HOMER2: variants seen among roughly 807,000 people sequenced by gnomAD.
The protein encoded by HOMER2 is homer protein homolog 2.
A neutral mutation model predicts 47.0 loss-of-function variants in HOMER2; 27 were observed. The observed-to-expected ratio is 0.57, with a 90% CI of 0.42 to 0.79. The LOEUF is 0.79. Among genes scored for constraint, HOMER2 ranks in the 30% least tolerant of loss-of-function variants. The pLI is 0.00. For synonymous variants in HOMER2, 161 were observed against 163.8 expected, an observed-to-expected ratio of 0.98 and a Z score of 0.13; for missense variants, 443 against 435.0, an observed-to-expected ratio of 1.02 and a Z score of -0.16.
intron 1 of HOMER2, among the ~76,000 whole-genome samples, chr15:82,902,429 C>A (rs528178784): frequency 1.5e-4 from 23 of 152,086 alleles, no homozygotes; most frequent in Non-Finnish European, 2.2e-4. Flanking sequence ...AACTCCTGAC[C>A]TTGTGATCCG....
At chr15:82,961,813 G>C (rs2054632711) in intron 1 of HOMER2, among the ~76,000 whole-genome samples, 2 of 152,076 alleles carry the variant, frequency 1.3e-5, no homozygotes. Context: ...GCCCAGCCTG[G>C]AGTGCAGAGG....
At chr15:82,911,229 T>C (rs537237579) in intron 1 of HOMER2, among the ~76,000 whole-genome samples, 2 of 152,346 alleles carry the variant, frequency 1.3e-5, no homozygotes, top group South Asian at 4.1e-4. Context: ...ACTGTGCTTT[T>C]ATAACTTAAG....
intron 5 of HOMER2, among the ~76,000 whole-genome samples, chr15:82,858,116 T>C (rs1443481285): frequency 6.6e-6 from 1 of 152,226 alleles, no homozygotes; most frequent in Non-Finnish European, 1.5e-5. Context: ...ATAGATCTTG[T>C]ATATTTAAGT....
At chr15:82,869,424 C>T (rs1292409054) in intron 3 of HOMER2, among the ~76,000 whole-genome samples, 2 of 140,024 alleles carry the variant, frequency 1.4e-5, no homozygotes, top group Admixed American at 7.2e-5. Flanking sequence ...TACTTCCATG[C>T]AATTATATGA....
chr15:82,900,339 T>G (rs759159876), intron 1 of HOMER2, among the ~76,000 whole-genome samples: 1 of 152,028 alleles, frequency 6.6e-6, no homozygotes, highest in African/African-American at 2.4e-5. Context: ...AACAAAAACT[T>G]CTGAGGCACA....
intron 1 of HOMER2, among the ~76,000 whole-genome samples, chr15:82,905,866 A>T (rs116330078): frequency 0.013 from 2,042 of 152,292 alleles, 55 homozygotes; most frequent in African/African-American, 0.048. Context: ...GAATCTACAT[A>T]AAAAAAGAGC....
chr15:82,920,812 A>AT (rs1175314047), intron 1 of HOMER2, among the ~76,000 whole-genome samples: 3 of 150,516 alleles, frequency 2.0e-5, no homozygotes, highest in East Asian at 3.9e-4. Flanking sequence ...TATGGGAGAC[A>AT]TTTTTTAGCC....
At chr15:82,897,168 G>A (rs1174216508) in intron 1 of HOMER2, among the ~76,000 whole-genome samples, 1 of 144,880 alleles carries the variant, frequency 6.9e-6, no homozygotes, top group Non-Finnish European at 1.5e-5. Context: ...CTGGGTTTAA[G>A]CAATTCTCTG....
At chr15:82,901,211 C>G (rs912140217) in intron 1 of HOMER2, among the ~76,000 whole-genome samples, 5 of 152,020 alleles carry the variant, frequency 3.3e-5, no homozygotes, top group African/African-American at 1.2e-4. Flanking sequence ...CTGGATGGGC[C>G]CAGGGCAGTG....
chr15:82,937,790 G>A (rs1014792432), intron 1 of HOMER2, among the ~76,000 whole-genome samples: 3 of 152,314 alleles, frequency 2.0e-5, no homozygotes, highest in African/African-American at 4.8e-5. Flanking sequence ...CTCCGAGTCC[G>A]ATCAGGGTGG....
In HOMER2 at chr15:82,907,231, C is replaced by T. The variant is rs1465097607; in HGVS notation, c.6-14390G>A. ...AACTAGCTGGGCATGGTGGCGGGTG[C>T]GTGCAGTCCCAACTAATCAGGAGGC... On this transcript the variant is annotated intron_variant, in intron 1 of 8. Transcript: ENST00000450735. 3.3e-5 allele frequency among the ~76,000 whole-genome samples: 5 copies of T among 152,038 alleles called. No individual in the cohort carries two copies. The East Asian group carries it at 5.8e-4, about 18-fold the overall frequency.
In HOMER2 at chr15:82,849,420, A is replaced by G; in HGVS notation, c.*295T>C. The G allele has an allele frequency of 2.7e-6, 1 of 371,550 alleles. No homozygotes were observed. 23.0% of individuals were successfully genotyped at this position (371,550 alleles called of 1,614,324 possible). On this transcript the variant is annotated 3_prime_UTR_variant, in exon 9 of 9. Transcript: ENST00000450735. ...TGTTTTTTCAGTTCATATGGTTGCA[A>G]CAGCCCTTATGAAAGATATAAACAT...
chr15:82,845,413 A>G (rs1401630402), downstream of HOMER2: 2 of 152,056 alleles, frequency 1.3e-5, no homozygotes, highest in East Asian at 3.9e-4. Context: ...TGTAAGTAAC[A>G]TTTTCTAGAC....
intron 1 of HOMER2, among the ~76,000 whole-genome samples, chr15:82,936,722 G>T (rs1328403138): frequency 1.3e-5 from 2 of 151,580 alleles, no homozygotes; most frequent in Non-Finnish European, 2.9e-5. Flanking sequence ...GTAGGTGCAT[G>T]CCACCATGCC....
intron 1 of HOMER2, 71 bp downstream of exon 1, chr15:82,952,460 G>T: frequency 1.3e-5 from 14 of 1,091,268 alleles, no homozygotes; most frequent in Non-Finnish European, 1.6e-5. Context: ...TCCGAGCCCG[G>T]TTACGCCAGC....
intron 1 of HOMER2, among the ~76,000 whole-genome samples, chr15:82,911,650 G>A (rs1190736660): frequency 6.6e-6 from 1 of 152,188 alleles, no homozygotes; most frequent in Non-Finnish European, 1.5e-5. Context: ...ATATGTGTGT[G>A]TTCCAATAAA....
At chr15:82,890,178 T>C (rs1486941078) in intron 2 of HOMER2, among the ~76,000 whole-genome samples, 2 of 152,072 alleles carry the variant, frequency 1.3e-5, no homozygotes, top group African/African-American at 4.8e-5. Flanking sequence ...CCTGTCTCTA[T>C]CAAAAATATA....
chr15:82,944,897 C>A (rs952250200), intron 1 of HOMER2, among the ~76,000 whole-genome samples: 1 of 152,096 alleles, frequency 6.6e-6, no homozygotes, highest in Non-Finnish European at 1.5e-5. Context: ...CAGAAGGGGG[C>A]CTTCGAGGTA....
intron 1 of HOMER2, among the ~76,000 whole-genome samples, chr15:82,968,524 G>A (rs971717913): frequency 6.6e-6 from 1 of 152,196 alleles, no homozygotes; most frequent in Non-Finnish European, 1.5e-5. Flanking sequence ...CAGCAACACA[G>A]TTCCCTATCC....
Sources: allele counts gnomAD v4.1 joint callset (sites outside exome capture counted in the v4.1 genomes callset), GRCh38; gene constraint gnomAD v4.1.1; transcripts MANE v1.5; gene names NCBI Gene and HGNC (gene_info 2026-07-23, HGNC 2026-07-21).